The following CFAP299 variants were observed in gnomAD, a reference collection of about 807,000 sequenced individuals.
CFAP299 encodes cilia and flagella associated protein 299.
Under a neutral mutation model 27.0 loss-of-function variants are expected in CFAP299, and 21 were observed. The ratio of observed to expected loss-of-function variants is 0.78; its 90% CI spans 0.55 to 1.12. The LOEUF (loss-of-function observed/expected upper bound fraction) is 1.12. Ranked by LOEUF, CFAP299 falls within the 50% of genes most tolerant of loss-of-function variation. The probability of loss-of-function intolerance (pLI) is 0.00; values close to 1 mark genes in which losing one functional copy is unlikely to be tolerated. For missense variants in CFAP299, 310 were observed against 276.6 expected, an observed-to-expected ratio of 1.12 and a Z score of -0.86; for synonymous variants, 104 against 98.1, an observed-to-expected ratio of 1.06 and a Z score of -0.36.
At chr4:80,891,783 A>AC (rs1734298043) in intron 4 of CFAP299, among the ~76,000 whole-genome samples, 1 of 116,656 alleles carries the variant, frequency 8.6e-6, no homozygotes, top group African/African-American at 4.5e-5. Flanking sequence ...AAAATTAAAA[A>AC]AAAAATAAAA....
At chr4:80,474,357 C>G (rs1047575036) in intron 2 of CFAP299, among the ~76,000 whole-genome samples, 1 of 152,126 alleles carries the variant, frequency 6.6e-6, no homozygotes, top group African/African-American at 2.4e-5. Flanking sequence ...TATTTAAAGA[C>G]AGTTTCCTGA....
chr4:80,855,255 A>G (rs1457739300), intron 3 of CFAP299, among the ~76,000 whole-genome samples: 2 of 152,160 alleles, frequency 1.3e-5, no homozygotes, highest in Non-Finnish European at 2.9e-5. Flanking sequence ...TTCTGAAGTT[A>G]GTATTTTTCA....
At chr4:80,658,093 C>G (rs1560681758) in intron 3 of CFAP299, among the ~76,000 whole-genome samples, 2 of 152,144 alleles carry the variant, frequency 1.3e-5, no homozygotes, top group African/African-American at 2.4e-5. Context: ...TATCCTGAGA[C>G]TTTGCTGAAG....
chr4:80,803,508 C>A (rs556951334), intron 3 of CFAP299, among the ~76,000 whole-genome samples: 19 of 152,026 alleles, frequency 1.2e-4, no homozygotes, highest in Admixed American at 3.9e-4. Context: ...AAAGGCACAT[C>A]TAAAGCCCAG....
intron 3 of CFAP299, among the ~76,000 whole-genome samples, chr4:80,587,624 G>T (rs1262274794): frequency 3.9e-5 from 6 of 152,044 alleles, no homozygotes; most frequent in Admixed American, 3.9e-4. Context: ...ACAGTGCCTT[G>T]CTCTGTTGCC....
chr4:80,388,529 T>A (rs1725153071), intron 2 of CFAP299: 1 of 1,447,868 alleles, frequency 6.9e-7, no homozygotes, highest in South Asian at 1.2e-5. Context: ...TGGCAGCGAG[T>A]TGAATTGCTT....
intron 3 of CFAP299, among the ~76,000 whole-genome samples, chr4:80,869,166 A>T (rs1479557597): frequency 6.6e-6 from 1 of 152,170 alleles, no homozygotes; most frequent in Non-Finnish European, 1.5e-5. Flanking sequence ...TTAAGAAATA[A>T]GTGGCTTAAA....
At chr4:80,687,720 G>T (rs1213693001) in intron 3 of CFAP299, among the ~76,000 whole-genome samples, 1 of 152,216 alleles carries the variant, frequency 6.6e-6, no homozygotes, top group East Asian at 1.9e-4. Context: ...CCGGTCTACA[G>T]CTCCCAGCGT....
At chr4:80,741,384 T>G (rs1025214686) in intron 3 of CFAP299, among the ~76,000 whole-genome samples, 1 of 152,024 alleles carries the variant, frequency 6.6e-6, no homozygotes, top group Non-Finnish European at 1.5e-5. Flanking sequence ...AGACAAGGGT[T>G]CTTTAGTCAG....
intron 3 of CFAP299, among the ~76,000 whole-genome samples, chr4:80,837,868 C>G (rs1385469154): frequency 1.3e-5 from 2 of 152,192 alleles, no homozygotes; most frequent in African/African-American, 4.8e-5. Context: ...AATGGTTAAA[C>G]TAATTTACAC....
intron 2 of CFAP299, among the ~76,000 whole-genome samples, chr4:80,580,513 G>T (rs898465738): frequency 2.6e-5 from 4 of 151,904 alleles, no homozygotes; most frequent in African/African-American, 4.8e-5. Flanking sequence ...TGGGTATGTA[G>T]GGGAAGGTTT....
At chr4:80,482,865 A>G (rs1443859156) in intron 2 of CFAP299, among the ~76,000 whole-genome samples, 2 of 152,186 alleles carry the variant, frequency 1.3e-5, no homozygotes, top group Non-Finnish European at 2.9e-5. Context: ...TCTTTTCAAT[A>G]TATTTAGTAG....
At chr4:80,901,513 G>T (rs1734895834) in intron 4 of CFAP299, among the ~76,000 whole-genome samples, 1 of 152,012 alleles carries the variant, frequency 6.6e-6, no homozygotes, top group African/African-American at 2.4e-5. Flanking sequence ...AAATATATTT[G>T]CTGTTACTTT....
chr4:80,531,225 C>G (rs188700708), intron 2 of CFAP299, among the ~76,000 whole-genome samples: 96 of 151,958 alleles, frequency 6.3e-4, no homozygotes, highest in African/African-American at 2.1e-3. Context: ...ATGAAATTTC[C>G]TAGTGTATTG....
At chr4:80,472,811 G>A (rs1017842826) in intron 2 of CFAP299, among the ~76,000 whole-genome samples, 3 of 152,134 alleles carry the variant, frequency 2.0e-5, no homozygotes, top group Admixed American at 2.0e-4. Flanking sequence ...TCCACGGGAC[G>A]GGGGTAATTC....
At chr4:80,857,185 T>C (rs1731964211) in intron 3 of CFAP299, among the ~76,000 whole-genome samples, 1 of 152,248 alleles carries the variant, frequency 6.6e-6, no homozygotes, top group Non-Finnish European at 1.5e-5. Context: ...GGGAGTTCAC[T>C]CATGATTTGG....
At chr4:80,749,811 T>C (rs995147359) in intron 3 of CFAP299, among the ~76,000 whole-genome samples, 1 of 152,332 alleles carries the variant, frequency 6.6e-6, no homozygotes, top group African/African-American at 2.4e-5. Flanking sequence ...CCTACGCAGA[T>C]TGAGAGTGAG....
intron 3 of CFAP299, among the ~76,000 whole-genome samples, chr4:80,703,251 G>A (rs1390386173): frequency 1.3e-5 from 2 of 151,700 alleles, no homozygotes; most frequent in Non-Finnish European, 3.0e-5. Context: ...TATCTCAGCT[G>A]AAATGTTGGT....
At chr4:80,658,496 GTT>G (rs1740676407) in intron 3 of CFAP299, among the ~76,000 whole-genome samples, 1 of 152,072 alleles carries the variant, frequency 6.6e-6, no homozygotes, top group African/African-American at 2.4e-5. Flanking sequence ...TAATCATCTG[GTT>G]TTTGTCATTG....
Sources: allele counts gnomAD v4.1 joint callset (sites outside exome capture counted in the v4.1 genomes callset), GRCh38; gene constraint gnomAD v4.1.1; transcripts MANE v1.5; gene names NCBI Gene and HGNC (gene_info 2026-07-23, HGNC 2026-07-21).